Variants in CDK19 observed in about 807,000 individuals in gnomAD.
CDK19 encodes cyclin-dependent kinase 19.
CDK19 carries 20 observed loss-of-function variants against 68.3 expected under a neutral mutation model. The observed-to-expected ratio is 0.29, with a 90% CI of 0.21 to 0.43. The LOEUF is 0.43. CDK19 is among the 20% of genes least tolerant of loss of function. The pLI is 1.00. For synonymous variants in CDK19, 221 were observed against 222.8 expected (o/e 0.99, Z 0.07); for missense variants, 339 against 623.5 (o/e 0.54, Z 4.86).
At chr6:110,720,956 G>A (rs966209179) in intron 2 of CDK19, among the ~76,000 whole-genome samples, 1 of 152,028 alleles carries the variant, frequency 6.6e-6, no homozygotes, top group Admixed American at 6.6e-5. Context: ...CTTGATTTGG[G>A]GTCAGGCGTG....
intron 3 of CDK19, among the ~76,000 whole-genome samples, chr6:110,669,217 A>G (rs1252953963): frequency 6.6e-6 from 1 of 152,250 alleles, no homozygotes; most frequent in South Asian, 2.1e-4. Context: ...CATATCTGCT[A>G]TAATAGCATA....
At chr6:110,635,259 C>T (rs894121604) in intron 5 of CDK19, among the ~76,000 whole-genome samples, 6 of 152,040 alleles carry the variant, frequency 3.9e-5, no homozygotes, top group Admixed American at 3.3e-4. Flanking sequence ...AAGTTGTTAC[C>T]GGTTTCTACT....
intron 4 of CDK19, among the ~76,000 whole-genome samples, chr6:110,655,125 T>G (rs994385773): frequency 1.3e-5 from 2 of 152,032 alleles, no homozygotes; most frequent in Admixed American, 1.3e-4. Context: ...CCCAGCACTT[T>G]GGGAGCCTGA....
rs914070763 is a variant in CDK19, at chr6:110,750,261, G to A, written c.129-4060C>T. 6.3e-5 allele frequency among the ~76,000 whole-genome samples: 8 copies of A among 127,032 alleles called. 1 individual carries two copies. In the East Asian group the frequency reaches 8.7e-4, roughly 14 times the overall value. 83.3% of individuals were successfully genotyped at this position (127,032 alleles called of 152,430 possible). On this transcript the variant is annotated intron_variant, in intron 1 of 12. Transcript: ENST00000368911. ...AGTGTGAGAAGGTGAAAACCTGGAT[G>A]AGTAGAACAGAATGTTAGCTCTGAA...
chr6:110,675,266 C>T (rs1006753722), intron 2 of CDK19, among the ~76,000 whole-genome samples: 7 of 152,182 alleles, frequency 4.6e-5, no homozygotes, highest in Admixed American at 2.6e-4. Flanking sequence ...TAGGGTTTAA[C>T]GCAACTGGTG....
chr6:110,617,367 A>G (rs1202862782), intron 12 of CDK19, among the ~76,000 whole-genome samples: 1 of 152,148 alleles, frequency 6.6e-6, no homozygotes, highest in Non-Finnish European at 1.5e-5. Context: ...AGAGAGACCA[A>G]CAGGAACCTA....
At chr6:110,666,038 C>G (rs1238004144) in intron 4 of CDK19, among the ~76,000 whole-genome samples, 4 of 151,882 alleles carry the variant, frequency 2.6e-5, no homozygotes, top group African/African-American at 7.3e-5. Context: ...CCACCACACC[C>G]AGCCCAATAA....
intron 4 of CDK19, among the ~76,000 whole-genome samples, chr6:110,645,053 C>T (rs1371466206): frequency 6.6e-6 from 1 of 152,044 alleles, no homozygotes; most frequent in Non-Finnish European, 1.5e-5. Flanking sequence ...ATATGTCAAA[C>T]AGACAAAAGA....
chr6:110,753,702 T>G (rs1451221443), intron 1 of CDK19, among the ~76,000 whole-genome samples: 1 of 152,114 alleles, frequency 6.6e-6, no homozygotes, highest in Admixed American at 6.6e-5. Flanking sequence ...AATGTTTTAA[T>G]TGATGAATTA....
At chr6:110,659,335 G>C (rs1487161316) in intron 4 of CDK19, among the ~76,000 whole-genome samples, 2 of 152,242 alleles carry the variant, frequency 1.3e-5, no homozygotes, top group African/African-American at 4.8e-5. Flanking sequence ...AGTGAAAACA[G>C]AGGGTGGTCT....
chr6:110,648,119 C>G (rs1780726509), intron 4 of CDK19, among the ~76,000 whole-genome samples: 2 of 152,110 alleles, frequency 1.3e-5, no homozygotes, highest in Non-Finnish European at 2.9e-5. Flanking sequence ...AAGAAGGAAA[C>G]ATTAGAAGTA....
chr6:110,679,321 A>T (rs1771805198), intron 2 of CDK19, among the ~76,000 whole-genome samples: 1 of 151,828 alleles, frequency 6.6e-6, no homozygotes, highest in South Asian at 2.1e-4. Context: ...GTCTCTAAAA[A>T]AAAAAAAAAG....
At chr6:110,632,930 A>G (rs1779531611) in intron 5 of CDK19, among the ~76,000 whole-genome samples, 1 of 152,076 alleles carries the variant, frequency 6.6e-6, no homozygotes, top group Admixed American at 6.6e-5. Flanking sequence ...ACATTTAAAA[A>G]CTGACTATGG....
At chr6:110,643,045 G>C in intron 4 of CDK19, 1 of 375,230 alleles carries the variant, frequency 2.7e-6, no homozygotes, top group Non-Finnish European at 4.7e-6. Flanking sequence ...ATGCACTTCA[G>C]CAAGGACACT....
At chr6:110,671,670 T>C (rs985416855) in intron 2 of CDK19, among the ~76,000 whole-genome samples, 1 of 152,212 alleles carries the variant, frequency 6.6e-6, no homozygotes, top group African/African-American at 2.4e-5. Context: ...CTTTTTCCAC[T>C]ACAGCTAAAG....
intron 2 of CDK19, among the ~76,000 whole-genome samples, chr6:110,714,136 T>A (rs1421765965): frequency 6.6e-6 from 1 of 152,212 alleles, no homozygotes; most frequent in East Asian, 1.9e-4. Context: ...ATCTGCTATG[T>A]CTATGGATTT....
intron 2 of CDK19, among the ~76,000 whole-genome samples, chr6:110,674,112 A>G (rs1320140620): frequency 6.6e-6 from 1 of 152,208 alleles, no homozygotes; most frequent in African/African-American, 2.4e-5. Flanking sequence ...TACAGTGATC[A>G]GTGATCTTTC....
chr6:110,801,973 T>C (rs1782377235), intron 1 of CDK19, among the ~76,000 whole-genome samples: 1 of 151,982 alleles, frequency 6.6e-6, no homozygotes, highest in Non-Finnish European at 1.5e-5. Context: ...CAAATTAAAA[T>C]CACAGTGAGA....
At position 110,709,548 on chromosome 6, in the gene CDK19, C is replaced by A. The variant is rs150390940; in HGVS notation, c.204+36578G>T. On this transcript the variant is annotated intron_variant, in intron 2 of 12. Coordinates refer to ENST00000368911, the MANE Select transcript of CDK19 (RefSeq NM_015076.5). ...AAAGGTTTGCCTTAGTTAAGGGTCA[C>A]AATGTAATAAGCAAGAAATAGCAAA... Among the ~76,000 whole-genome samples, 334 of 148,960 alleles carry A rather than the reference C, an allele frequency of 2.2e-3. 1 individual carries two copies. The highest frequency in any genetic ancestry group is 8.0e-3 in the African/African-American group (322 of 40,458).
Sources: allele counts gnomAD v4.1 joint callset (sites outside exome capture counted in the v4.1 genomes callset), GRCh38; gene constraint gnomAD v4.1.1; transcripts MANE v1.5; gene names NCBI Gene and HGNC (gene_info 2026-07-23, HGNC 2026-07-21).